The following BTBD8 variants were observed in gnomAD, a reference collection of about 807,000 sequenced individuals.
The protein encoded by BTBD8 is BTB domain containing 8, also known as BTB/POZ domain-containing protein 8.
BTBD8 carries 110 observed loss-of-function variants against 162.9 expected under a neutral mutation model. That is an observed-to-expected ratio of 0.68 (90% CI 0.58 to 0.79). BTBD8 has a LOEUF of 0.79. BTBD8 is among the 30% of genes least tolerant of loss of function. The probability of loss-of-function intolerance (pLI) is 0.00; values close to 1 mark genes in which losing one functional copy is unlikely to be tolerated. For missense variants in BTBD8, 1,905 were observed against 2,085.4 expected, an observed-to-expected ratio of 0.91 and a Z score of 1.68; for synonymous variants, 667 against 716.1, an observed-to-expected ratio of 0.93 and a Z score of 1.10.
Position 92,178,354 on chromosome 1 carries a change from A to G in BTBD8, c.2484A>G (p.Val828=), listed in dbSNP as rs1650783624. ...GTGGCAAAGGATGTAGTGAGCCAGT[A>G]CCACAGGCAATTTTGAAGAAAAGAG... ...KVSGKGCSEP[V]PQAILKKRGT... is the part of the protein sequence containing the mutation. Residue 828 remains valine (V), a synonymous_variant, in exon 16 of 18, where the codon GTA becomes GTG. Transcript: ENST00000636805. The G allele has an allele frequency of 6.4e-7, 1 of 1,551,560 alleles. No individual in the cohort carries two copies. The highest frequency in any genetic ancestry group is 8.7e-7 in the Non-Finnish European group (1 of 1,146,752).
chr1:92,132,569 T>C (rs900719916), intron 5 of BTBD8, among the ~76,000 whole-genome samples: 2 of 152,188 alleles, frequency 1.3e-5, no homozygotes, highest in Non-Finnish European at 2.9e-5. Flanking sequence ...TGACCAACTT[T>C]AGTAGCTTGT....
At chr1:92,144,785 T>G (rs1269861382) in intron 7 of BTBD8, among the ~76,000 whole-genome samples, 1 of 145,500 alleles carries the variant, frequency 6.9e-6, no homozygotes, top group African/African-American at 2.6e-5. Flanking sequence ...CATTCCAGCC[T>G]GGGTGACAGA....
intron 9 of BTBD8, among the ~76,000 whole-genome samples, chr1:92,156,562 A>G (rs1483631251): frequency 1.3e-5 from 2 of 152,178 alleles, no homozygotes; most frequent in African/African-American, 2.4e-5. Context: ...TAATGAAGCT[A>G]TCAGTCCTGG....
rs368752214 is a variant in BTBD8 at position 92,177,481 on chromosome 1, C to A, written c.2288C>A (p.Ser763Tyr). 1 of 1,551,290 alleles carries A rather than the reference C, an allele frequency of 6.4e-7. No homozygotes were observed. Among genetic ancestry groups the A allele is most frequent in the South Asian group, 1.2e-5 (1 of 84,052 alleles). Reference protein sequence around the residue: ...EEEKPSGHKLSFCDSPGQMMK... With the variant: ...EEEKPSGHKLYFCDSPGQMMK... ...GAAAAGCCTTCTGGACATAAACTAT[C>A]CTTTTGTGATTCTCCAGGACAGATG... Residue 763 changes from serine to tyrosine, a missense_variant, in exon 14 of 18, where the codon TCC (serine) becomes TAC (tyrosine). By Grantham distance (144) the Ser-to-Tyr change is moderately radical. Coordinates refer to ENST00000636805, the MANE Select transcript of BTBD8 (RefSeq NM_001376131.1).
At chr1:92,165,784 T>C (rs1650370684) in intron 9 of BTBD8, among the ~76,000 whole-genome samples, 1 of 152,180 alleles carries the variant, frequency 6.6e-6, no homozygotes, top group East Asian at 1.9e-4. Flanking sequence ...GAAGGTAGAC[T>C]GAAGCTGCAA....
chr1:92,175,312 C>G (rs979691835), intron 13 of BTBD8, among the ~76,000 whole-genome samples: 1 of 151,732 alleles, frequency 6.6e-6, no homozygotes, highest in African/African-American at 2.4e-5. Flanking sequence ...AACCCCGTCT[C>G]TACTAAAAAT....
chr1:92,112,346 A>T (rs149750266), intron 4 of BTBD8, among the ~76,000 whole-genome samples: 1 of 152,138 alleles, frequency 6.6e-6, no homozygotes, highest in Admixed American at 6.5e-5. Context: ...TGAGGTTGCA[A>T]TGAGCCAGTG....
At chr1:92,158,640 G>A (rs997624268) in intron 9 of BTBD8, among the ~76,000 whole-genome samples, 7 of 152,150 alleles carry the variant, frequency 4.6e-5, no homozygotes, top group Admixed American at 1.3e-4. Flanking sequence ...GATTAATTCA[G>A]TTGTAACAAA....
chr1:92,171,375 A>G (rs893065065), intron 12 of BTBD8, 24 bp from the exon 13 acceptor site: 2 of 1,530,374 alleles, frequency 1.3e-6, no homozygotes, highest in Non-Finnish European at 1.8e-6. Context: ...CCTTATAAAA[A>G]CAAATTGCTG....
At chr1:92,126,984 T>C (rs1649376300) in intron 4 of BTBD8, among the ~76,000 whole-genome samples, 1 of 152,182 alleles carries the variant, frequency 6.6e-6, no homozygotes, top group Admixed American at 6.5e-5. Context: ...AGTTTAACAG[T>C]GGAAAAATGC....
intron 9 of BTBD8, among the ~76,000 whole-genome samples, chr1:92,164,762 T>C (rs576856314): frequency 2.4e-4 from 36 of 150,642 alleles, no homozygotes; most frequent in Non-Finnish European, 4.9e-4. Context: ...CCCGGGTTCA[T>C]GCCATCCTTC....
intron 7 of BTBD8, among the ~76,000 whole-genome samples, chr1:92,142,624 C>T (rs994919893): frequency 6.6e-6 from 1 of 152,200 alleles, no homozygotes; most frequent in Non-Finnish European, 1.5e-5. Flanking sequence ...ACCCCGGTTA[C>T]ACATGGTCCA....
intron 2 of BTBD8, among the ~76,000 whole-genome samples, chr1:92,093,805 T>G (rs1359166451): frequency 6.6e-6 from 1 of 152,226 alleles, no homozygotes; most frequent in Non-Finnish European, 1.5e-5. Flanking sequence ...TGAGCTTGCT[T>G]TATTATCTCA....
chr1:92,130,862 C>T (rs1369767199), intron 5 of BTBD8, among the ~76,000 whole-genome samples: 2 of 152,100 alleles, frequency 1.3e-5, no homozygotes, highest in East Asian at 3.9e-4. Flanking sequence ...GCCACCACGC[C>T]TGGCTAATTT....
chr1:92,124,252 T>A (rs1277803468), intron 4 of BTBD8, among the ~76,000 whole-genome samples: 1 of 152,272 alleles, frequency 6.6e-6, no homozygotes, highest in Non-Finnish European at 1.5e-5. Context: ...CTTGAAAGCA[T>A]GCTTTCCTTT....
At chr1:92,131,468 A>G (rs1222094496) in intron 5 of BTBD8, among the ~76,000 whole-genome samples, 2 of 152,180 alleles carry the variant, frequency 1.3e-5, no homozygotes. Context: ...TCCCACCTGT[A>G]ATCCCAGCAT....
intron 9 of BTBD8, among the ~76,000 whole-genome samples, chr1:92,156,975 A>C (rs1650172861): frequency 6.6e-6 from 1 of 150,416 alleles, no homozygotes; most frequent in Non-Finnish European, 1.5e-5. Flanking sequence ...TGCTAACTTC[A>C]GGCTTAGTTT....
intron 4 of BTBD8, among the ~76,000 whole-genome samples, chr1:92,109,831 T>G (rs1648844500): frequency 6.6e-6 from 1 of 152,208 alleles, no homozygotes; most frequent in South Asian, 2.1e-4. Context: ...TTGTCAGCAT[T>G]CTTCTAGTGG....
At chr1:92,141,249 T>A in intron 7 of BTBD8, 38 bp downstream of exon 7, 1 of 1,548,130 alleles carries the variant, frequency 6.5e-7, no homozygotes. Context: ...ATCCAGTGCA[T>A]TGTCACCCAT....
Sources: allele counts gnomAD v4.1 joint callset (sites outside exome capture counted in the v4.1 genomes callset), GRCh38; gene constraint gnomAD v4.1.1; transcripts MANE v1.5; gene names NCBI Gene and HGNC (gene_info 2026-07-23, HGNC 2026-07-21).